Variants in GARIN1A observed in about 807,000 individuals in gnomAD.
The protein encoded by GARIN1A is golgi associated RAB2 interactor 1A.
the GARIN1A span, among the ~76,000 whole-genome samples, chr7:128,707,825 T>C: frequency 5.9e-5 from 9 of 152,288 alleles, no homozygotes; most frequent in African/African-American, 2.2e-4. Flanking sequence ...TTTCATTAGG[T>C]CCATGCATGC....
chr7:128,706,786 C>T, the GARIN1A span, among the ~76,000 whole-genome samples: 1 of 152,196 alleles, frequency 6.6e-6, no homozygotes, highest in Non-Finnish European at 1.5e-5. Flanking sequence ...GGGCATCCTG[C>T]GATCCCAGAG....
the GARIN1A span, chr7:128,683,204 C>T: frequency 7.0e-7 from 1 of 1,427,690 alleles, no homozygotes; most frequent in Non-Finnish European, 9.6e-7. Context: ...GTACTTGCTA[C>T]CACCTCTTAT....
At chr7:128,679,881 T>C in the GARIN1A span, 14 of 497,264 alleles carry the variant, frequency 2.8e-5, no homozygotes, top group Admixed American at 3.6e-4. Flanking sequence ...GTTGGATGAT[T>C]CTCGGGACTT....
At chr7:128,675,940 A>C in the GARIN1A span, 1 of 1,022,058 alleles carries the variant, frequency 9.8e-7, no homozygotes, top group Admixed American at 1.9e-5. Context: ...TTTAGATCAA[A>C]AGAAAAGATA....
the GARIN1A span, among the ~76,000 whole-genome samples, chr7:128,681,931 C>G: frequency 6.6e-6 from 1 of 150,942 alleles, no homozygotes; most frequent in East Asian, 2.0e-4. Flanking sequence ...CCATGCTCCC[C>G]CAGGCACTAG....
At chr7:128,677,571 C>T in the GARIN1A span, 4 of 1,605,084 alleles carry the variant, frequency 2.5e-6, no homozygotes, top group Non-Finnish European at 3.4e-6. Context: ...CAGGCTTCTC[C>T]CCCTGAAGTA....
the GARIN1A span, among the ~76,000 whole-genome samples, chr7:128,679,741 T>C: frequency 6.6e-6 from 1 of 152,164 alleles, no homozygotes. Context: ...AGTATGTTAT[T>C]GACTCTGAAG....
chr7:128,674,241 G>A, the GARIN1A span, among the ~76,000 whole-genome samples: 2 of 152,238 alleles, frequency 1.3e-5, no homozygotes, highest in East Asian at 1.9e-4. Flanking sequence ...AACTTAGAAT[G>A]TGCTAGGGAG....
At chr7:128,690,060 T>C in the GARIN1A span, among the ~76,000 whole-genome samples, 1 of 152,254 alleles carries the variant, frequency 6.6e-6, no homozygotes, top group Non-Finnish European at 1.5e-5. Context: ...TGTTCTGTAC[T>C]AAGAAAAATT....
the GARIN1A span, among the ~76,000 whole-genome samples, chr7:128,703,912 G>C: frequency 0.15 from 23,443 of 152,188 alleles, 2,030 homozygotes; most frequent in East Asian, 0.36. Flanking sequence ...GTGACTCGAC[G>C]TTGGAGGATG....
chr7:128,689,244 G>C, the GARIN1A span, among the ~76,000 whole-genome samples: 1 of 151,598 alleles, frequency 6.6e-6, no homozygotes, highest in African/African-American at 2.4e-5. Flanking sequence ...AGTGAGAAGC[G>C]TCTCTGCCTA....
the GARIN1A span, among the ~76,000 whole-genome samples, chr7:128,707,945 C>G: frequency 5.0e-4 from 76 of 151,328 alleles, no homozygotes; most frequent in African/African-American, 1.7e-3. Context: ...CTTCCCTTCT[C>G]CCTTCCTTAC....
the GARIN1A span, among the ~76,000 whole-genome samples, chr7:128,682,318 CGGG>C: frequency 2.0e-5 from 3 of 152,142 alleles, no homozygotes; most frequent in Non-Finnish European, 1.5e-5. Flanking sequence ...TTTTAGTCCC[CGGG>C]ATTTTGTCTT....
chr7:128,682,366 A>G, the GARIN1A span, among the ~76,000 whole-genome samples: 11 of 152,290 alleles, frequency 7.2e-5, no homozygotes, highest in African/African-American at 2.4e-4. Flanking sequence ...AACACATCAA[A>G]GCAGTACTTA....
chr7:128,681,415 CT>C, the GARIN1A span, among the ~76,000 whole-genome samples: 1 of 150,414 alleles, frequency 6.6e-6, no homozygotes, highest in Non-Finnish European at 1.5e-5. Flanking sequence ...TCTCTCGTTT[CT>C]TTCTTTCTCT....
the GARIN1A span, among the ~76,000 whole-genome samples, chr7:128,707,111 G>T: frequency 6.6e-6 from 1 of 152,020 alleles, no homozygotes; most frequent in East Asian, 1.9e-4. Context: ...ATGAATGTGG[G>T]TTAGGTATAT....
chr7:128,677,519 A>AAAAAAT, the GARIN1A span: 10 of 1,472,966 alleles, frequency 6.8e-6, no homozygotes, highest in African/African-American at 1.4e-5. Flanking sequence ...AAAAAAAAAA[A>AAAAAAT]AGAAACCACG....
the GARIN1A span, among the ~76,000 whole-genome samples, chr7:128,701,282 C>T: frequency 3.6e-4 from 50 of 140,074 alleles, no homozygotes; most frequent in Non-Finnish European, 7.3e-4. Context: ...AAAGTTTTCT[C>T]AGCAAGGCAG....
chr7:128,696,227 A>G, the GARIN1A span, among the ~76,000 whole-genome samples: 1 of 151,750 alleles, frequency 6.6e-6, no homozygotes, highest in African/African-American at 2.4e-5. Flanking sequence ...TATATTGCCC[A>G]AGCTGGTCTC....
Sources: allele counts gnomAD v4.1 joint callset (sites outside exome capture counted in the v4.1 genomes callset), GRCh38; gene constraint gnomAD v4.1.1; transcripts MANE v1.5; gene names NCBI Gene and HGNC (gene_info 2026-07-23, HGNC 2026-07-21).